Variants in PPP2R2A observed in about 807,000 individuals in gnomAD.
The protein encoded by PPP2R2A is protein phosphatase 2 regulatory subunit Balpha, also known as serine/threonine-protein phosphatase 2A 55 kDa regulatory subunit B alpha isoform.
PPP2R2A carries 9 observed loss-of-function variants against 53.2 expected under a neutral mutation model. That is an observed-to-expected ratio of 0.17 (90% confidence interval 0.10 to 0.30). The LOEUF is 0.30. PPP2R2A is among the 10% of genes least tolerant of loss of function. PPP2R2A has a pLI of 1.00. For missense variants in PPP2R2A, 235 were observed against 534.6 expected (o/e 0.44, Z 5.53); for synonymous variants, 169 against 174.2 (o/e 0.97, Z 0.23).
At position 26,365,408 on chromosome 8, in the gene PPP2R2A, T is replaced by G. The variant is rs964377777; in HGVS notation, c.973-907T>G. 1.7e-4 allele frequency: 26 copies of G among 152,142 alleles called. 1 individual carries two copies. Among genetic ancestry groups the G allele is most frequent in the African/African-American group, 6.3e-4 (26 of 41,440 alleles). The allele number at this position is 152,142 out of a possible 1,614,324, so 9.4% of individuals were successfully genotyped here. A position where few individuals can be genotyped will look rare whatever the true frequency, so the allele number is the denominator to read the frequency against. ...TAATGTCACAGAGACATGGCCTGAATCATTCCACTATATTTAAAGTTAAAA... is the reference window on the plus strand; with the variant it reads ...TAATGTCACAGAGACATGGCCTGAAGCATTCCACTATATTTAAAGTTAAAA... On this transcript the variant is annotated intron_variant, in intron 8 of 9. Coordinates refer to ENST00000380737, the MANE Select transcript of PPP2R2A (RefSeq NM_002717.4).
At chr8:26,295,849 G>A (rs984756359) in intron 2 of PPP2R2A, among the ~76,000 whole-genome samples, 3 of 152,084 alleles carry the variant, frequency 2.0e-5, no homozygotes, top group Non-Finnish European at 4.4e-5. Flanking sequence ...TTATAGTCTT[G>A]CTTATTTGAC....
At chr8:26,363,471 T>TG in intron 7 of PPP2R2A, 1 of 310,816 alleles carries the variant, frequency 3.2e-6, no homozygotes, top group Non-Finnish European at 5.9e-6. Context: ...AAGTCCCAGG[T>TG]GAGTCTGGTT....
chr8:26,308,257 G>A (rs917132261), intron 2 of PPP2R2A, among the ~76,000 whole-genome samples: 1 of 152,236 alleles, frequency 6.6e-6, no homozygotes, highest in Non-Finnish European at 1.5e-5. Flanking sequence ...TTTGCCGAAG[G>A]TTGGAGTGAC....
intron 7 of PPP2R2A, chr8:26,363,330 C>G (rs1302641710): frequency 6.0e-6 from 1 of 166,924 alleles, no homozygotes; most frequent in East Asian, 1.7e-4. Flanking sequence ...TTTTACCTGG[C>G]TACTAGAAAA....
intron 2 of PPP2R2A, among the ~76,000 whole-genome samples, chr8:26,316,739 TGACATGATA>T (rs1474944707): frequency 6.6e-6 from 1 of 152,170 alleles, no homozygotes. Flanking sequence ...AACTGTGTCT[TGACATGATA>T]GAAGGGACAA....
At chr8:26,341,136 A>G (rs894569605) in intron 3 of PPP2R2A, among the ~76,000 whole-genome samples, 1 of 151,882 alleles carries the variant, frequency 6.6e-6, no homozygotes, top group Non-Finnish European at 1.5e-5. Context: ...AGAATTACTT[A>G]GTGGTGTAAA....
chr8:26,312,641 G>A (rs1356134890), intron 2 of PPP2R2A, among the ~76,000 whole-genome samples: 3 of 152,170 alleles, frequency 2.0e-5, no homozygotes, highest in African/African-American at 4.8e-5. Flanking sequence ...ACTGCAACAC[G>A]TTAGCCATCT....
chr8:26,324,586 G>A (rs1317282704), intron 2 of PPP2R2A, among the ~76,000 whole-genome samples: 2 of 152,192 alleles, frequency 1.3e-5, no homozygotes, highest in African/African-American at 4.8e-5. Flanking sequence ...AGGACAGTGC[G>A]GAAGGGAAAT....
chr8:26,333,994 A>C (rs577821750), intron 2 of PPP2R2A, among the ~76,000 whole-genome samples: 24 of 149,140 alleles, frequency 1.6e-4, no homozygotes, highest in Admixed American at 3.3e-4. Context: ...ATAAAATTTA[A>C]GAACATTACA....
At chr8:26,359,510 T>G (rs1804966156) in intron 4 of PPP2R2A, among the ~76,000 whole-genome samples, 2 of 152,228 alleles carry the variant, frequency 1.3e-5, no homozygotes, top group South Asian at 4.1e-4. Context: ...AAGTTTGTTT[T>G]TAAACAGATG....
chr8:26,317,094 C>T (rs889685545), intron 2 of PPP2R2A, among the ~76,000 whole-genome samples: 2 of 152,122 alleles, frequency 1.3e-5, no homozygotes, highest in African/African-American at 2.4e-5. Context: ...ACATTTGTAT[C>T]GTAGGTTTAG....
chr8:26,357,205 A>G (rs1804830480), intron 4 of PPP2R2A, among the ~76,000 whole-genome samples: 1 of 151,060 alleles, frequency 6.6e-6, no homozygotes, highest in African/African-American at 2.4e-5. Context: ...AAATGTCAAC[A>G]TCTGTTGATT....
At chr8:26,359,939 CTTGAT>C (rs1259947095) in intron 4 of PPP2R2A, among the ~76,000 whole-genome samples, 3 of 152,024 alleles carry the variant, frequency 2.0e-5, no homozygotes, top group African/African-American at 7.2e-5. Context: ...CTGTCTGTGA[CTTGAT>C]TTGACTATCA....
intron 3 of PPP2R2A, among the ~76,000 whole-genome samples, chr8:26,352,671 T>A (rs1804579982): frequency 6.6e-6 from 1 of 152,242 alleles, no homozygotes; most frequent in Non-Finnish European, 1.5e-5. Context: ...CATATACCTC[T>A]ATGATTTTGT....
At chr8:26,326,886 C>T (rs559130573) in intron 2 of PPP2R2A, among the ~76,000 whole-genome samples, 1 of 152,304 alleles carries the variant, frequency 6.6e-6, no homozygotes, top group Non-Finnish European at 1.5e-5. Context: ...GGCTTATTGT[C>T]TGTTTAAAAA....
At chr8:26,308,121 C>T (rs1026549381) in intron 2 of PPP2R2A, among the ~76,000 whole-genome samples, 2 of 152,224 alleles carry the variant, frequency 1.3e-5, no homozygotes, top group African/African-American at 4.8e-5. Context: ...CAACAGTGTA[C>T]ATGACAATTA....
At chr8:26,313,689 C>A (rs1438069742) in intron 2 of PPP2R2A, among the ~76,000 whole-genome samples, 1 of 151,884 alleles carries the variant, frequency 6.6e-6, no homozygotes, top group African/African-American at 2.4e-5. Context: ...AAAAGGGAGG[C>A]AAGAAAATCA....
At chr8:26,332,725 C>A (rs571318407) in intron 2 of PPP2R2A, among the ~76,000 whole-genome samples, 1 of 152,326 alleles carries the variant, frequency 6.6e-6, no homozygotes, top group South Asian at 2.1e-4. Flanking sequence ...GTTGTAGGGA[C>A]AGGCAGTAAC....
At chr8:26,336,043 G>A (rs2117317561) in intron 2 of PPP2R2A, among the ~76,000 whole-genome samples, 1 of 152,182 alleles carries the variant, frequency 6.6e-6, no homozygotes, top group Non-Finnish European at 1.5e-5. Context: ...CATTATAACT[G>A]GTTGTGAGAG....
Sources: allele counts gnomAD v4.1 joint callset (sites outside exome capture counted in the v4.1 genomes callset), GRCh38; gene constraint gnomAD v4.1.1; transcripts MANE v1.5; gene names NCBI Gene and HGNC (gene_info 2026-07-23, HGNC 2026-07-21).